PDE10A: variants seen among roughly 807,000 people sequenced by gnomAD.
PDE10A encodes phosphodiesterase 10A.
In PDE10A, 39 loss-of-function variants were observed where a neutral mutation model predicts 97.7. The observed-to-expected ratio is 0.40, with a 90% CI of 0.31 to 0.52. PDE10A has a LOEUF of 0.52. PDE10A is among the 20% of genes least tolerant of loss of function. The pLI is 0.56. For synonymous variants in PDE10A, 371 were observed against 376.8 expected, an observed-to-expected ratio of 0.98 and a Z score of 0.18; for missense variants, 731 against 1,047.8, an observed-to-expected ratio of 0.70 and a Z score of 4.17.
At chr6:165,775,529 C>A (rs1221716029) in intron 1 of PDE10A, 1 of 152,220 alleles carries the variant, frequency 6.6e-6, no homozygotes, top group African/African-American at 2.4e-5. Context: ...CCTTTGCCTA[C>A]CCCGCCACTG....
rs765042956 is a variant in PDE10A, at chr6:165,642,745, G to A, written c.865+19202C>T. Among the ~76,000 whole-genome samples the A allele has an allele frequency of 2.6e-5, 4 of 152,178 alleles. No homozygotes were observed. The South Asian group carries it at 8.3e-4, about 32-fold the overall frequency. On this transcript the variant is annotated intron_variant, in intron 1 of 21. Coordinates refer to ENST00000539869, the MANE Select transcript of PDE10A (RefSeq NM_001385079.1). ...GAACGCTACACAGCCTAGGTAATTC[G>A]CTCACATCCAGCCTGTTAATTCAGC...
At chr6:165,957,912 C>T (rs1784185334) in intron 1 of PDE10A, among the ~76,000 whole-genome samples, 1 of 152,352 alleles carries the variant, frequency 6.6e-6, no homozygotes, top group East Asian at 1.9e-4. Flanking sequence ...GGCCGAAAAT[C>T]CAGCTCCTTC....
intron 1 of PDE10A, among the ~76,000 whole-genome samples, chr6:165,684,797 C>T (rs968647771): frequency 8.5e-5 from 13 of 152,172 alleles, no homozygotes; most frequent in African/African-American, 3.1e-4. Flanking sequence ...AATGAAAGTT[C>T]CATATAGTGT....
At chr6:165,514,948 C>A (rs2128304214) in intron 2 of PDE10A, among the ~76,000 whole-genome samples, 1 of 152,236 alleles carries the variant, frequency 6.6e-6, no homozygotes, top group South Asian at 2.1e-4. Context: ...GAGAGGATTT[C>A]CTGTTGTCTC....
chr6:165,933,003 C>G (rs2128491039), intron 1 of PDE10A, among the ~76,000 whole-genome samples: 1 of 152,300 alleles, frequency 6.6e-6, no homozygotes, highest in East Asian at 1.9e-4. Context: ...AGAGGCCTCT[C>G]CCCTGGGTTG....
intron 1 of PDE10A, among the ~76,000 whole-genome samples, chr6:165,571,249 C>T (rs1785036068): frequency 6.6e-6 from 1 of 152,176 alleles, no homozygotes; most frequent in African/African-American, 2.4e-5. Context: ...CTGTCCTCTG[C>T]CTTGCTTACC....
intron 1 of PDE10A, among the ~76,000 whole-genome samples, chr6:165,867,036 G>T (rs1180572852): frequency 6.6e-6 from 1 of 151,814 alleles, no homozygotes; most frequent in African/African-American, 2.4e-5. Flanking sequence ...ATGAGAAATA[G>T]AAAGGAGTTA....
intron 1 of PDE10A, among the ~76,000 whole-genome samples, chr6:165,976,419 C>G (rs750277397): frequency 1.2e-4 from 19 of 152,144 alleles, no homozygotes; most frequent in Non-Finnish European, 1.8e-4. Context: ...TGTTCCAATT[C>G]ACTTCAAGTT....
intron 2 of PDE10A, among the ~76,000 whole-genome samples, chr6:165,533,924 A>T (rs1237125759): frequency 5.3e-5 from 8 of 152,196 alleles, no homozygotes; most frequent in African/African-American, 1.7e-4. Flanking sequence ...AATTATCAAA[A>T]TCCAAATAAA....
chr6:165,432,075 T>C (rs1030183993), intron 7 of PDE10A, among the ~76,000 whole-genome samples: 2 of 152,192 alleles, frequency 1.3e-5, no homozygotes, highest in African/African-American at 4.8e-5. Context: ...GAGTGTCTAT[T>C]ATGTACCAGG....
intron 1 of PDE10A, among the ~76,000 whole-genome samples, chr6:165,553,515 A>T (rs1364976790): frequency 1.3e-5 from 2 of 152,214 alleles, no homozygotes; most frequent in African/African-American, 4.8e-5. Context: ...ATCCAAGTAC[A>T]TTCCACTGAA....
At chr6:165,891,726 T>C (rs1472656614) in intron 1 of PDE10A, among the ~76,000 whole-genome samples, 1 of 152,016 alleles carries the variant, frequency 6.6e-6, no homozygotes, top group Admixed American at 6.6e-5. Context: ...TTTTCTTTCT[T>C]CTTCGTTGAC....
chr6:165,972,405 C>T (rs1400396071), intron 1 of PDE10A, among the ~76,000 whole-genome samples: 1 of 152,146 alleles, frequency 6.6e-6, no homozygotes, highest in Non-Finnish European at 1.5e-5. Flanking sequence ...TCACCCTACC[C>T]TGCCAGGTGG....
chr6:165,764,541 G>GATGCTCGAAT (rs59814378), intron 1 of PDE10A, among the ~76,000 whole-genome samples: 2 of 151,772 alleles, frequency 1.3e-5, no homozygotes, highest in Non-Finnish European at 2.9e-5. Context: ...TGTTCCTTCT[G>GATGCTCGAAT]GTGTTCGGAG....
intron 1 of PDE10A, among the ~76,000 whole-genome samples, chr6:165,828,640 G>C (rs1343897885): frequency 6.6e-6 from 1 of 152,222 alleles, no homozygotes. Context: ...ATAAGCTGCA[G>C]TTTGAAAATT....
rs145898787 is a variant in PDE10A at position 165,766,568 on chromosome 6, C to T, written c.-615+220961G>A. On this transcript the variant is annotated intron_variant, in intron 1 of 19. Coordinates refer to the PDE10A transcript ENST00000366882. The stretch of plus-strand genomic sequence containing the variant: ...CTTCCGTGGGATTGTTTTGCTTTTG[C>T]AAACTGGTCAAGTTCCTTTGTTTTT... Among the ~76,000 whole-genome samples, 8 of 152,320 alleles carry T rather than the reference C, an allele frequency of 5.3e-5. No individual in the cohort carries two copies. In the East Asian group the frequency reaches 1.4e-3, roughly 26 times the overall value.
intron 5 of PDE10A, among the ~76,000 whole-genome samples, chr6:165,446,636 A>G (rs1790867952): frequency 6.6e-6 from 1 of 152,228 alleles, no homozygotes. Flanking sequence ...AATCACAGAT[A>G]AACATGTAAT....
At position 165,819,230 on chromosome 6, in the gene PDE10A, A is replaced by G. The variant is rs1472473131; in HGVS notation, c.-615+168299T>C. On this transcript the variant is annotated intron_variant, in intron 1 of 19. Coordinates refer to the PDE10A transcript ENST00000366882. This position sits in a 1 kb window ranked among gnomAD's most constrained non-coding sequence, Gnocchi z 4.2. Reference sequence around the variant, plus strand: ...CACTTCCAGCATCCTGAGCCCAGTCAGCACACGTTGGGATGATTTTTGACT... The same window carrying G: ...CACTTCCAGCATCCTGAGCCCAGTCGGCACACGTTGGGATGATTTTTGACT... Among the ~76,000 whole-genome samples, 2 of 152,158 alleles carry G rather than the reference A, an allele frequency of 1.3e-5. No individual in the cohort carries two copies. Among genetic ancestry groups the G allele is most frequent in the Non-Finnish European group, 2.9e-5 (2 of 68,024 alleles).
At chr6:165,416,118 CG>C (rs1788293205) in intron 12 of PDE10A, 70 bp downstream of exon 12, 1 of 996,742 alleles carries the variant, frequency 1.0e-6, no homozygotes. Flanking sequence ...TCAGGCTCCA[CG>C]GAAGAGGTTT....
Sources: allele counts gnomAD v4.1 joint callset (sites outside exome capture counted in the v4.1 genomes callset), GRCh38; gene constraint gnomAD v4.1.1; non-coding constraint Gnocchi (gnomAD v3.1); transcripts MANE v1.5; gene names NCBI Gene and HGNC (gene_info 2026-07-23, HGNC 2026-07-21).